The following THSD7A variants were observed in gnomAD, a reference collection of about 807,000 sequenced individuals.
THSD7A encodes the protein thrombospondin type-1 domain-containing protein 7A.
In THSD7A, 96 loss-of-function variants were observed where a neutral mutation model predicts 231.3. The ratio of observed to expected loss-of-function variants is 0.41; its 90% CI spans 0.35 to 0.49. The LOEUF is 0.49. THSD7A is among the 20% of genes least tolerant of loss of function. The pLI, the probability that THSD7A is intolerant of heterozygous loss-of-function variation, is 0.05. For missense variants in THSD7A, 2,290 were observed against 2,070.2 expected (o/e 1.11, Z -2.06); for synonymous variants, 940 against 743.3 (o/e 1.26, Z -4.30).
Position 11,447,252 on chromosome 7 carries a change from C to T in THSD7A, c.2778G>A (p.Arg926=). 6.2e-7 allele frequency: 1 copy of T among 1,613,004 alleles called. No individual in the cohort carries two copies. Among genetic ancestry groups the T allele is most frequent in the South Asian group, 1.1e-5 (1 of 91,032 alleles). The change falls in exon 12 of 28, where the codon AGG becomes AGA. Residue 926 remains arginine (R), a synonymous_variant. Coordinates refer to ENST00000423059, the MANE Select transcript of THSD7A (RefSeq NM_015204.3). ...SSCNGDCGAV[R]TRKRTLVGKS... ...TACCAACAAGAGTGCGCTTTCTGGTCCTAACTGCACCACAGTCTCCATTGC... is the reference window on the plus strand; with the variant it reads ...TACCAACAAGAGTGCGCTTTCTGGTTCTAACTGCACCACAGTCTCCATTGC...
intron 1 of THSD7A, among the ~76,000 whole-genome samples, chr7:11,676,957 C>T (rs1246507475): frequency 6.6e-6 from 1 of 152,048 alleles, no homozygotes; most frequent in African/African-American, 2.4e-5. Flanking sequence ...AACCCCAAGA[C>T]ATAATCGTCA....
intron 2 of THSD7A, among the ~76,000 whole-genome samples, chr7:11,630,764 G>A (rs1204506861): frequency 6.6e-6 from 1 of 152,192 alleles, no homozygotes; most frequent in Non-Finnish European, 1.5e-5. Context: ...TCAAAAGTAG[G>A]CACTACATCC....
At chr7:11,677,667 C>G (rs1051958257) in intron 1 of THSD7A, among the ~76,000 whole-genome samples, 1 of 125,172 alleles carries the variant, frequency 8.0e-6, no homozygotes, top group South Asian at 2.7e-4. Context: ...CAACAAAGAT[C>G]AAAAAAGACA....
chr7:11,484,874 A>ATTTGTTTT (rs1786585244), intron 6 of THSD7A, among the ~76,000 whole-genome samples: 1 of 53,796 alleles, frequency 1.9e-5, no homozygotes, highest in Non-Finnish European at 3.1e-5. Flanking sequence ...CACAACCTTA[A>ATTTGTTTT]TTTTTTTTTT....
At chr7:11,567,109 C>G (rs1439553424) in intron 4 of THSD7A, among the ~76,000 whole-genome samples, 2 of 152,034 alleles carry the variant, frequency 1.3e-5, no homozygotes, top group Non-Finnish European at 2.9e-5. Flanking sequence ...CCCAATATCC[C>G]ATGTATTATT....
At chr7:11,736,078 G>T (rs532802765) in intron 1 of THSD7A, among the ~76,000 whole-genome samples, 2 of 151,632 alleles carry the variant, frequency 1.3e-5, no homozygotes, top group Non-Finnish European at 2.9e-5. Context: ...ATGTATACTA[G>T]ATTTTCATAT....
chr7:11,693,805 C>A (rs1349056892), intron 1 of THSD7A, among the ~76,000 whole-genome samples: 3 of 151,312 alleles, frequency 2.0e-5, no homozygotes, highest in Non-Finnish European at 4.4e-5. Flanking sequence ...GGTAGCTGTT[C>A]CGATGATCTA....
At chr7:11,576,581 G>C (rs779051770) in intron 4 of THSD7A, among the ~76,000 whole-genome samples, 10 of 152,154 alleles carry the variant, frequency 6.6e-5, no homozygotes, top group Non-Finnish European at 1.2e-4. Context: ...CAGGTGACTT[G>C]ATATAATACA....
intron 1 of THSD7A, among the ~76,000 whole-genome samples, chr7:11,747,370 A>C (rs1439889176): frequency 6.6e-6 from 1 of 151,982 alleles, no homozygotes; most frequent in Non-Finnish European, 1.5e-5. Flanking sequence ...TCTACGAATT[A>C]AAATTCCTCT....
At chr7:11,532,519 C>T (rs1448582134) in intron 6 of THSD7A, among the ~76,000 whole-genome samples, 2 of 152,086 alleles carry the variant, frequency 1.3e-5, no homozygotes, top group African/African-American at 2.4e-5. Flanking sequence ...TGCCATAATT[C>T]TCCCATCAAG....
chr7:11,742,990 C>T (rs1782162601), intron 1 of THSD7A, among the ~76,000 whole-genome samples: 1 of 151,794 alleles, frequency 6.6e-6, no homozygotes, highest in South Asian at 2.1e-4. Context: ...AGCCCTGGCT[C>T]CTCTCCCTTA....
chr7:11,515,680 T>G (rs1313693511), intron 6 of THSD7A, among the ~76,000 whole-genome samples: 2 of 152,088 alleles, frequency 1.3e-5, no homozygotes, highest in Non-Finnish European at 2.9e-5. Context: ...ACCAAGCTTG[T>G]GATGGGGAGA....
chr7:11,542,450 T>C (rs558112415), intron 5 of THSD7A, among the ~76,000 whole-genome samples: 118 of 152,358 alleles, frequency 7.7e-4, no homozygotes, highest in Middle Eastern at 6.8e-3. Context: ...ATCATTTGCA[T>C]ATGAAAGTAA....
intron 23 of THSD7A, among the ~76,000 whole-genome samples, chr7:11,386,119 A>G (rs957965698): frequency 6.6e-5 from 10 of 152,110 alleles, no homozygotes; most frequent in African/African-American, 2.4e-4. Flanking sequence ...TCTATCATTG[A>G]TGGGCATTCG....
At chr7:11,576,985 T>C (rs1013057250) in intron 4 of THSD7A, among the ~76,000 whole-genome samples, 2 of 152,204 alleles carry the variant, frequency 1.3e-5, no homozygotes, top group Non-Finnish European at 2.9e-5. Flanking sequence ...GTTTACACTT[T>C]AGAGTCAAAA....
At chr7:11,544,658 C>T (rs1006737207) in intron 4 of THSD7A, among the ~76,000 whole-genome samples, 14 of 152,188 alleles carry the variant, frequency 9.2e-5, no homozygotes, top group Non-Finnish European at 1.5e-4. Flanking sequence ...AGTTTTCACA[C>T]ACACGAGCAC....
chr7:11,424,945 A>T, intron 15 of THSD7A, 116 bp from the exon 16 acceptor site: 1 of 1,233,578 alleles, frequency 8.1e-7, no homozygotes, highest in Non-Finnish European at 1.1e-6. Context: ...CCCCTCCTTT[A>T]CTGCTTATTA....
chr7:11,688,727 G>A lies in THSD7A; in HGVS notation c.191-51766C>T, dbSNP rs1330944404. On this transcript the variant is annotated intron_variant, in intron 1 of 27. Transcript: ENST00000423059. ...TGGAGCAAGGAGAGAGTAACAAGAGGTGTAGTTAGGCAGATCCGAAATGAG... is the reference window on the plus strand; with the variant it reads ...TGGAGCAAGGAGAGAGTAACAAGAGATGTAGTTAGGCAGATCCGAAATGAG... 2.0e-5 allele frequency among the ~76,000 whole-genome samples: 3 copies of A among 151,760 alleles called. No homozygotes were observed. In the East Asian group the frequency reaches 5.9e-4, roughly 30 times the overall value.
At chr7:11,401,994 C>T (rs1357515664) in intron 22 of THSD7A, 26 bp from the exon 23 acceptor site, 3 of 1,591,414 alleles carry the variant, frequency 1.9e-6, no homozygotes, top group Admixed American at 1.8e-5. Context: ...TTGTAATTTA[C>T]ACCCATATCC....
Sources: allele counts gnomAD v4.1 joint callset (sites outside exome capture counted in the v4.1 genomes callset), GRCh38; gene constraint gnomAD v4.1.1; transcripts MANE v1.5; gene names NCBI Gene and HGNC (gene_info 2026-07-23, HGNC 2026-07-21).